Variants in KAZN observed in about 807,000 individuals in gnomAD.
KAZN encodes the protein kazrin.
Under a neutral mutation model 87.4 loss-of-function variants are expected in KAZN, and 40 were observed. That is an observed-to-expected ratio of 0.46 (90% CI 0.36 to 0.60). The LOEUF (loss-of-function observed/expected upper bound fraction) is 0.60. Among genes scored for constraint, KAZN ranks in the 20% least tolerant of loss-of-function variants. The pLI is 0.00. For missense variants in KAZN, 898 were observed against 1,073.9 expected (o/e 0.84, Z 2.29); for synonymous variants, 466 against 458.3 (o/e 1.02, Z -0.22).
At chr1:14,239,971 T>C (rs566834057) in intron 2 of KAZN, among the ~76,000 whole-genome samples, 121 of 152,190 alleles carry the variant, frequency 8.0e-4, no homozygotes, top group Non-Finnish European at 1.4e-3. Context: ...CAGCCCCAAA[T>C]ATTTGTAGTG....
At chr1:14,378,504 A>T in intron 2 of KAZN, among the ~76,000 whole-genome samples, 1 of 152,218 alleles carries the variant, frequency 6.6e-6, no homozygotes, top group East Asian at 1.9e-4. Context: ...AAGAGTCTTA[A>T]ACTGTCGACA....
At chr1:14,240,345 G>C (rs1648828947) in intron 2 of KAZN, among the ~76,000 whole-genome samples, 1 of 152,232 alleles carries the variant, frequency 6.6e-6, no homozygotes, top group Non-Finnish European at 1.5e-5. Context: ...CTAGACAGGG[G>C]AGCCCACACT....
chr1:15,050,159 G>GGAATAGAATA (rs1553180847), intron 4 of KAZN, among the ~76,000 whole-genome samples: 9,577 of 130,938 alleles, frequency 0.073, 601 homozygotes, highest in Admixed American at 0.081. Flanking sequence ...AGAATAGAAT[G>GGAATAGAATA]GAATAGAATA....
chr1:14,791,319 G>T (rs56152191), intron 1 of KAZN, among the ~76,000 whole-genome samples: 1 of 152,108 alleles, frequency 6.6e-6, no homozygotes, highest in Non-Finnish European at 1.5e-5. Flanking sequence ...GGGCTGAGTC[G>T]CCAACACCTG....
chr1:14,033,713 T>C (rs1641423662), intron 1 of KAZN, among the ~76,000 whole-genome samples: 1 of 152,224 alleles, frequency 6.6e-6, no homozygotes, highest in Non-Finnish European at 1.5e-5. Context: ...CCCCAATCTA[T>C]GGTGAAGTTT....
intron 1 of KAZN, among the ~76,000 whole-genome samples, chr1:14,873,775 A>T (rs1652444717): frequency 6.6e-6 from 1 of 152,210 alleles, no homozygotes; most frequent in Non-Finnish European, 1.5e-5. Context: ...TCATCTAGGC[A>T]TGAGTTTGTG....
chr1:14,263,022 C>T (rs1651202308), intron 2 of KAZN, among the ~76,000 whole-genome samples: 1 of 151,998 alleles, frequency 6.6e-6, no homozygotes, highest in Non-Finnish European at 1.5e-5. Flanking sequence ...CGTGTATATC[C>T]ATTTTCCACT....
At chr1:15,041,521 G>C (rs974787932) in intron 3 of KAZN, among the ~76,000 whole-genome samples, 4 of 151,522 alleles carry the variant, frequency 2.6e-5, no homozygotes, top group African/African-American at 9.7e-5. Flanking sequence ...ATTTTTAGTA[G>C]AGGCAGGGCT....
intron 2 of KAZN, among the ~76,000 whole-genome samples, chr1:14,394,536 C>T (rs1047419909): frequency 4.6e-5 from 7 of 151,996 alleles, no homozygotes; most frequent in Non-Finnish European, 8.8e-5. Context: ...GCCTTACACA[C>T]GTTATCACAT....
chr1:14,586,937 C>T (rs1241341092), intron 2 of KAZN, among the ~76,000 whole-genome samples: 1 of 152,164 alleles, frequency 6.6e-6, no homozygotes, highest in Non-Finnish European at 1.5e-5. Context: ...GTTTTTTCCT[C>T]ACTTGCTGAC....
At chr1:15,089,075 C>T (rs1640407048) in intron 8 of KAZN, among the ~76,000 whole-genome samples, 1 of 152,036 alleles carries the variant, frequency 6.6e-6, no homozygotes, top group South Asian at 2.1e-4. Context: ...TCTCTGACCT[C>T]GACTCCCTCT....
At chr1:13,986,372 C>T (rs766510375) in intron 1 of KAZN, among the ~76,000 whole-genome samples, 4 of 152,048 alleles carry the variant, frequency 2.6e-5, no homozygotes, top group Admixed American at 6.5e-5. Context: ...CATTCCTTAA[C>T]TTGCTGCAGT....
intron 8 of KAZN, among the ~76,000 whole-genome samples, chr1:15,084,640 C>G (rs1319154561): frequency 6.6e-6 from 1 of 152,192 alleles, no homozygotes. Flanking sequence ...AGTGGAAGAA[C>G]AGAGCCAGAG....
intron 2 of KAZN, among the ~76,000 whole-genome samples, chr1:15,001,973 T>C (rs977828442): frequency 4.2e-5 from 6 of 143,158 alleles, no homozygotes; most frequent in African/African-American, 1.1e-4. Context: ...CTCCGCCTCC[T>C]GGGTTCACGC....
chr1:15,048,515 G>A (rs1429798798), intron 4 of KAZN, among the ~76,000 whole-genome samples: 1 of 152,228 alleles, frequency 6.6e-6, no homozygotes, highest in Non-Finnish European at 1.5e-5. Context: ...CCCCGCAGGA[G>A]CCTCCCCTCC....
chr1:13,948,705 A>C (rs1250096732), intron 1 of KAZN, among the ~76,000 whole-genome samples: 1 of 151,820 alleles, frequency 6.6e-6, no homozygotes, highest in African/African-American at 2.4e-5. Context: ...TTTTTTCTGC[A>C]AACAATCTTT....
At chr1:15,014,887 G>A (rs182329289) in intron 2 of KAZN, among the ~76,000 whole-genome samples, 13 of 152,226 alleles carry the variant, frequency 8.5e-5, no homozygotes, top group East Asian at 7.7e-4. Flanking sequence ...TTGTTTTCTC[G>A]GGTCATGAGA....
chr1:14,925,192 G>A (rs12568670), intron 1 of KAZN, among the ~76,000 whole-genome samples: 13,789 of 152,226 alleles, frequency 0.091, 814 homozygotes, highest in South Asian at 0.24. Context: ...TTCCCAGCGG[G>A]TGTGCCCGTT....
At chr1:13,966,038 G>A (rs1641930320) in intron 1 of KAZN, among the ~76,000 whole-genome samples, 2 of 152,092 alleles carry the variant, frequency 1.3e-5, no homozygotes, top group Admixed American at 6.5e-5. Flanking sequence ...CAGTCCAGGC[G>A]GCTCTCCAAG....
Sources: gnomAD v4.1 joint callset for allele counts (sites outside exome capture counted in the v4.1 genomes callset) on GRCh38, gnomAD v4.1.1 for gene constraint, MANE v1.5 for transcripts, NCBI Gene and HGNC (gene_info 2026-07-23, HGNC 2026-07-21) for gene names.